Variants in PFKFB1 observed in about 807,000 individuals in gnomAD.
PFKFB1 encodes the protein 6-phosphofructo-2-kinase/fructose-2,6-biphosphatase 1, also known as 6-phosphofructo-2-kinase/fructose-2,6-bisphosphatase 1.
In PFKFB1, 34 loss-of-function variants were observed where a neutral mutation model predicts 46.4. The ratio of observed to expected loss-of-function variants is 0.73; its 90% CI spans 0.56 to 0.98. The LOEUF is 0.98. Among genes scored for constraint, PFKFB1 ranks in the 50% least tolerant of loss-of-function variants. PFKFB1 has a pLI of 0.00. For missense variants in PFKFB1, 393 were observed against 376.3 expected, an observed-to-expected ratio of 1.04 and a Z score of -0.37; for synonymous variants, 119 against 133.8, an observed-to-expected ratio of 0.89 and a Z score of 0.76.
chrX:54,993,901 C>T lies in PFKFB1; in HGVS notation c.97+10G>A. On this transcript the variant is annotated intron_variant, in intron 1 of 13. Coordinates refer to ENST00000375006, the MANE Select transcript of PFKFB1 (RefSeq NM_002625.4). ...CCACCTTTAAACCCACGGAAGCAAACCCCACTTACAGCCCCTTCTCCGTTG... is the reference window on the plus strand; with the variant it reads ...CCACCTTTAAACCCACGGAAGCAAATCCCACTTACAGCCCCTTCTCCGTTG... The T allele has an allele frequency of 8.3e-7, 1 of 1,200,989 alleles. No homozygotes were observed. Among genetic ancestry groups the T allele is most frequent in the South Asian group, 1.8e-5 (1 of 54,718 alleles).
At chrX:54,968,947 C>A (rs1319813626) in intron 1 of PFKFB1, among the ~76,000 whole-genome samples, 1 of 111,294 alleles carries the variant, frequency 9.0e-6, no homozygotes, top group African/African-American at 3.3e-5. Context: ...AAGTCAATAT[C>A]CCTCATGAAC....
At chrX:54,966,979 C>A (rs1401027084) in intron 1 of PFKFB1, among the ~76,000 whole-genome samples, 1 of 111,834 alleles carries the variant, frequency 8.9e-6, no homozygotes, top group Non-Finnish European at 1.9e-5. Context: ...AACTCAACTA[C>A]AAATTACACC....
At chrX:54,994,474 G>A (rs750389108), upstream of PFKFB1, 32 of 752,638 alleles carry the variant, frequency 4.3e-5, no homozygotes, top group South Asian at 2.0e-4. Flanking sequence ...AGGTCTCAGC[G>A]GCTTTCCCAG....
intron 10 of PFKFB1, among the ~76,000 whole-genome samples, chrX:54,938,502 C>T (rs1444710315): frequency 9.0e-6 from 1 of 111,450 alleles, no homozygotes; most frequent in Non-Finnish European, 1.9e-5. Flanking sequence ...GGAAACCCAT[C>T]TCACATGCAG....
At position 54,973,516 on chromosome X, in the gene PFKFB1, G is replaced by A. The variant is rs188245181; in HGVS notation, c.98-10134C>T. ...TCCCTCTACACACTGCTTTGAATGC[G>A]TCCCAGAGATTCTGTTATGTTGTGT... On this transcript the variant is annotated intron_variant, in intron 1 of 13. Transcript: ENST00000375006. Among the ~76,000 whole-genome samples, 170 of 110,895 alleles carry A rather than the reference G, an allele frequency of 1.5e-3. 1 individual carries two copies. Among genetic ancestry groups the A allele is most frequent in the Non-Finnish European group, 2.1e-3 (109 of 52,905 alleles).
chrX:54,998,590 A>C (rs1218275813), upstream of PFKFB1: 1 of 456,572 alleles, frequency 2.2e-6, no homozygotes, highest in Non-Finnish European at 3.8e-6. Flanking sequence ...CTCTGTTGAA[A>C]TATCAGCTGT....
intron 3 of PFKFB1, 95 bp from the exon 4 acceptor site, chrX:54,959,988 G>T: frequency 1.6e-6 from 1 of 614,085 alleles, no homozygotes; most frequent in Non-Finnish European, 2.7e-6. Flanking sequence ...CATCTCTCAT[G>T]TCTTAGACTA....
At chrX:54,991,968 A>G (rs1935253474) in intron 1 of PFKFB1, among the ~76,000 whole-genome samples, 1 of 112,269 alleles carries the variant, frequency 8.9e-6, no homozygotes, top group South Asian at 3.7e-4. Context: ...TGCTCCAAGA[A>G]AAAGGTGATT....
At chrX:54,984,919 T>C (rs771010190) in intron 1 of PFKFB1, among the ~76,000 whole-genome samples, 3 of 110,704 alleles carry the variant, frequency 2.7e-5, no homozygotes, top group Non-Finnish European at 5.7e-5. Context: ...TCATTCCATC[T>C]TGCTCACAGG....
At chrX:54,967,624 G>A (rs1304432149) in intron 1 of PFKFB1, among the ~76,000 whole-genome samples, 1 of 58,659 alleles carries the variant, frequency 1.7e-5, no homozygotes. Context: ...AAATCGACAA[G>A]AAAAAAACAA....
At position 54,945,513 on chromosome X, in the gene PFKFB1, T is replaced by G; in HGVS notation, c.1024A>C (p.Ile342Leu). ...GVCEEMTYEE[I>L]QEHYPEEFAL... is the part of the protein sequence containing the mutation. ...AATTCTTCAGGGTAATGTTCCTGGATTTCTTCATAGGTCATCTCCTCACAG... is the reference window on the plus strand; with the variant it reads ...AATTCTTCAGGGTAATGTTCCTGGAGTTCTTCATAGGTCATCTCCTCACAG... Residue 342 changes from isoleucine (I) to leucine (L), a missense_variant, in exon 10 of 14, where the codon ATC (isoleucine) becomes CTC (leucine). Transcript: ENST00000375006. The G allele has an allele frequency of 8.4e-7, 1 of 1,194,967 alleles. No individual in the cohort carries two copies. The highest frequency in any genetic ancestry group is 1.8e-5 in the South Asian group (1 of 55,937).
Position 54,973,515 on chromosome X carries a change from C to T in PFKFB1, c.98-10133G>A, listed in dbSNP as rs764760613. Among the ~76,000 whole-genome samples the T allele has an allele frequency of 6.3e-5, 7 of 110,864 alleles. No individual in the cohort carries two copies. In the East Asian group the frequency reaches 8.5e-4, roughly 13 times the overall value. ...TTCCCTCTACACACTGCTTTGAATGCGTCCCAGAGATTCTGTTATGTTGTG... is the reference window on the plus strand; with the variant it reads ...TTCCCTCTACACACTGCTTTGAATGTGTCCCAGAGATTCTGTTATGTTGTG... On this transcript the variant is annotated intron_variant, in intron 1 of 13. Transcript: ENST00000375006.
rs369766189 is a variant in PFKFB1, at chrX:54,937,580, A to G, written c.1228+15T>C. 59 of 1,199,573 alleles carry G rather than the reference A, an allele frequency of 4.9e-5. No individual in the cohort carries two copies. The highest frequency in any genetic ancestry group is 6.5e-5 in the Non-Finnish European group (58 of 887,651). On this transcript the variant is annotated intron_variant, in intron 11 of 13. Coordinates refer to ENST00000375006, the MANE Select transcript of PFKFB1 (RefSeq NM_002625.4). ...ATACCATCAAACATTCCCAAAGCAGAGATGAGGGTAGTACCTGAACTTTTA... is the reference window on the plus strand; with the variant it reads ...ATACCATCAAACATTCCCAAAGCAGGGATGAGGGTAGTACCTGAACTTTTA...
At chrX:54,970,126 C>G (rs1198266842) in intron 1 of PFKFB1, among the ~76,000 whole-genome samples, 1 of 110,557 alleles carries the variant, frequency 9.0e-6, no homozygotes, top group East Asian at 2.9e-4. Context: ...CCAGGCTGGT[C>G]TCGAACTCTT....
intron 10 of PFKFB1, among the ~76,000 whole-genome samples, chrX:54,940,296 G>A (rs1372883245): frequency 1.9e-4 from 21 of 111,482 alleles, no homozygotes; most frequent in Non-Finnish European, 1.5e-4. Flanking sequence ...TACTGAATGG[G>A]CAAAAACTGG....
At chrX:54,942,173 C>T (rs1349012514) in intron 10 of PFKFB1, among the ~76,000 whole-genome samples, 2 of 110,986 alleles carry the variant, frequency 1.8e-5, no homozygotes, top group Non-Finnish European at 3.8e-5. Flanking sequence ...TATTCTCGCT[C>T]ATAGGTGGGA....
intron 8 of PFKFB1, among the ~76,000 whole-genome samples, chrX:54,950,614 C>T (rs765168861): frequency 2.5e-4 from 28 of 112,406 alleles, no homozygotes; most frequent in African/African-American, 8.4e-4. Context: ...AGCTGGGCTC[C>T]GAGCTGTGTG....
intron 1 of PFKFB1, among the ~76,000 whole-genome samples, chrX:54,977,147 G>C (rs1267210969): frequency 9.0e-6 from 1 of 111,116 alleles, no homozygotes; most frequent in African/African-American, 3.3e-5. Flanking sequence ...CAAAATGTCT[G>C]AGCAACTCAA....
At chrX:54,940,657 T>C (rs1933589988) in intron 10 of PFKFB1, among the ~76,000 whole-genome samples, 1 of 111,020 alleles carries the variant, frequency 9.0e-6, no homozygotes, top group Admixed American at 9.6e-5. Context: ...TCAAAGAGAA[T>C]AAAATACCAA....
Sources: gnomAD v4.1 joint callset for allele counts (sites outside exome capture counted in the v4.1 genomes callset) on GRCh38, gnomAD v4.1.1 for gene constraint, MANE v1.5 for transcripts, NCBI Gene and HGNC (gene_info 2026-07-23, HGNC 2026-07-21) for gene names.